Variants in ADGRV1 observed in about 807,000 individuals in gnomAD.
ADGRV1 encodes the protein adhesion G protein-coupled receptor V1.
In ADGRV1, 359 loss-of-function variants were observed where a neutral mutation model predicts 596.2. That is an observed-to-expected ratio of 0.60 (90% CI 0.55 to 0.66). The LOEUF is 0.66. Among genes scored for constraint, ADGRV1 ranks in the 30% least tolerant of loss-of-function variants. The pLI, the probability that ADGRV1 is intolerant of heterozygous loss-of-function variation, is 0.00. For synonymous variants in ADGRV1, 2,681 were observed against 2,679.2 expected (o/e 1.00, Z -0.02); for missense variants, 7,274 against 7,575.6 (o/e 0.96, Z 1.48).
At chr5:91,115,775 C>T (rs1004995004) in intron 87 of ADGRV1, among the ~76,000 whole-genome samples, 2 of 152,112 alleles carry the variant, frequency 1.3e-5, no homozygotes, top group African/African-American at 4.8e-5. Flanking sequence ...GGTGAAACCC[C>T]ATGGCTACTA....
At chr5:90,867,975 G>A (rs570513097) in intron 83 of ADGRV1, among the ~76,000 whole-genome samples, 1 of 152,078 alleles carries the variant, frequency 6.6e-6, no homozygotes, top group African/African-American at 2.4e-5. Context: ...AGAAGCAGAG[G>A]GTCATTTTTC....
chr5:90,570,568 G>A (rs1278915166), intron 1 of ADGRV1, among the ~76,000 whole-genome samples: 2 of 152,044 alleles, frequency 1.3e-5, no homozygotes, highest in Non-Finnish European at 2.9e-5. Context: ...GTCTATGTTG[G>A]TATATTTTGT....
intron 1 of ADGRV1, among the ~76,000 whole-genome samples, chr5:90,597,501 G>A (rs1299373004): frequency 2.0e-5 from 3 of 152,174 alleles, no homozygotes; most frequent in Non-Finnish European, 4.4e-5. Flanking sequence ...AGACCACACT[G>A]GGGAATATTG....
rs139625466 is a variant in ADGRV1 at position 91,137,695 on chromosome 5, A to G, written c.18433-12335A>G. On this transcript the variant is annotated intron_variant, in intron 87 of 89. Transcript: ENST00000405460. ...CACTTTACTGTTTTCCTGTTCAAGCAGTGGTCTGAGATTCAGGGATCAGAG... is the reference window on the plus strand; with the variant it reads ...CACTTTACTGTTTTCCTGTTCAAGCGGTGGTCTGAGATTCAGGGATCAGAG... Among the ~76,000 whole-genome samples the G allele has an allele frequency of 1.2e-4, 18 of 152,344 alleles. No individual in the cohort carries two copies. In the East Asian group the frequency reaches 3.3e-3, roughly 28 times the overall value.
chr5:90,788,370 A>G, intron 68 of ADGRV1, 60 bp downstream of exon 68: 3 of 1,446,780 alleles, frequency 2.1e-6, no homozygotes, highest in Non-Finnish European at 1.9e-6. Context: ...CAGAAAATAC[A>G]TTTACATTTG....
chr5:91,060,431 T>C (rs1250023256), intron 85 of ADGRV1, among the ~76,000 whole-genome samples: 2 of 151,044 alleles, frequency 1.3e-5, no homozygotes, highest in African/African-American at 4.9e-5. Flanking sequence ...GGTTTCACCA[T>C]GTTGTCAAGG....
At chr5:91,122,174 A>AAG (rs1562246817) in intron 87 of ADGRV1, among the ~76,000 whole-genome samples, 3 of 152,310 alleles carry the variant, frequency 2.0e-5, no homozygotes, top group African/African-American at 7.2e-5. Context: ...TTCAACAGCA[A>AAG]AAGTTGTTTA....
chr5:90,797,990 T>A (rs1760939848), intron 70 of ADGRV1, among the ~76,000 whole-genome samples: 1 of 151,990 alleles, frequency 6.6e-6, no homozygotes, highest in South Asian at 2.1e-4. Context: ...AGATCTAAAA[T>A]CGACACCCTA....
chr5:90,812,685 CATTT>C (rs1159976317), intron 74 of ADGRV1, among the ~76,000 whole-genome samples: 1 of 152,134 alleles, frequency 6.6e-6, no homozygotes, highest in African/African-American at 2.4e-5. Context: ...AGCATTATCT[CATTT>C]ATGTTAACCT....
intron 83 of ADGRV1, among the ~76,000 whole-genome samples, chr5:90,907,333 T>C (rs1772420931): frequency 6.6e-6 from 1 of 152,176 alleles, no homozygotes; most frequent in Non-Finnish European, 1.5e-5. Flanking sequence ...TAAATAATCA[T>C]TTAAATTAAT....
At position 90,811,822 on chromosome 5, in the gene ADGRV1, G is replaced by A. The variant is rs552815935; in HGVS notation, c.16078+484G>A. ...GTTGATATAGCCATCATACTATTGT[G>A]TATATACGTTACAATAGCTTAAAAT... On this transcript the variant is annotated intron_variant, in intron 74 of 89. Coordinates refer to ENST00000405460, the MANE Select transcript of ADGRV1 (RefSeq NM_032119.4). Among the ~76,000 whole-genome samples the A allele has an allele frequency of 3.9e-4, 58 of 149,186 alleles. No individual in the cohort carries two copies. In the East Asian group the frequency reaches 9.8e-3, roughly 25 times the overall value.
Position 90,690,668 on chromosome 5 carries a change from G to T in ADGRV1, c.6707-129G>T, listed in dbSNP as rs1746350303. On this transcript the variant is annotated intron_variant, in intron 30 of 89. Coordinates refer to ENST00000405460, the MANE Select transcript of ADGRV1 (RefSeq NM_032119.4). Reference sequence around the variant, plus strand: ...ATTTGTATCACAGCATGTTACTCTGGTTTTTGTGGGTTATAGCTACTTAGA... The same window carrying T: ...ATTTGTATCACAGCATGTTACTCTGTTTTTTGTGGGTTATAGCTACTTAGA... 3 of 932,304 alleles carry T rather than the reference G, an allele frequency of 3.2e-6. No individual in the cohort carries two copies. The South Asian group carries it at 5.2e-5, about 16-fold the overall frequency. 57.8% of individuals were successfully genotyped at this position (932,304 alleles called of 1,614,324 possible). A position where few individuals can be genotyped will look rare whatever the true frequency, so the allele number is the denominator to read the frequency against.
At chr5:90,670,676 C>CGGAG (rs1335577834) in intron 21 of ADGRV1, among the ~76,000 whole-genome samples, 1 of 151,950 alleles carries the variant, frequency 6.6e-6, no homozygotes, top group African/African-American at 2.4e-5. Context: ...AGCATGAGCT[C>CGGAG]CCTCTTACCA....
At chr5:90,919,311 T>C (rs185984957) in intron 83 of ADGRV1, among the ~76,000 whole-genome samples, 6 of 152,242 alleles carry the variant, frequency 3.9e-5, no homozygotes, top group African/African-American at 1.4e-4. Flanking sequence ...CCTTGCCCGA[T>C]CATAAAAGCA....
At chr5:90,908,177 G>A (rs1355548493) in intron 83 of ADGRV1, among the ~76,000 whole-genome samples, 1 of 152,052 alleles carries the variant, frequency 6.6e-6, no homozygotes, top group Admixed American at 6.6e-5. Context: ...TTAATGTTAC[G>A]ATAATCCATA....
intron 16 of ADGRV1, 70 bp downstream of exon 16, chr5:90,646,161 CGTGCA>C: frequency 6.5e-6 from 7 of 1,081,380 alleles, no homozygotes; most frequent in Non-Finnish European, 8.7e-6. Context: ...TATATATGCA[CGTGCA>C]TATATACATT....
At chr5:90,590,902 C>A (rs1759411896) in intron 1 of ADGRV1, among the ~76,000 whole-genome samples, 1 of 151,926 alleles carries the variant, frequency 6.6e-6, no homozygotes, top group Non-Finnish European at 1.5e-5. Flanking sequence ...TTGTATTTAT[C>A]CTACTTGTTA....
chr5:90,773,885 T>C (rs1478542688), intron 59 of ADGRV1, among the ~76,000 whole-genome samples: 1 of 152,206 alleles, frequency 6.6e-6, no homozygotes, highest in East Asian at 1.9e-4. Context: ...CCTTTGTCTG[T>C]TTACATCATT....
chr5:91,118,170 T>G (rs992605921), intron 87 of ADGRV1, among the ~76,000 whole-genome samples: 5 of 152,122 alleles, frequency 3.3e-5, no homozygotes, highest in Non-Finnish European at 4.4e-5. Context: ...TCTCTTCAGG[T>G]TCTTCATATA....
Sources: allele counts gnomAD v4.1 joint callset (sites outside exome capture counted in the v4.1 genomes callset), GRCh38; gene constraint gnomAD v4.1.1; transcripts MANE v1.5; gene names NCBI Gene and HGNC (gene_info 2026-07-23, HGNC 2026-07-21).